Variants in ZFHX3 observed in about 807,000 individuals in gnomAD.
The protein encoded by ZFHX3 is zinc finger homeobox protein 3.
ZFHX3 carries 42 observed loss-of-function variants against 279.1 expected under a neutral mutation model. That is an observed-to-expected ratio of 0.15 (90% CI 0.12 to 0.19). ZFHX3 has a LOEUF of 0.19. ZFHX3 is among the 10% of genes least tolerant of loss of function. The pLI is 1.00. For synonymous variants in ZFHX3, 2,293 were observed against 1,957.8 expected (o/e 1.17, Z -4.52); for missense variants, 4,981 against 4,754.0 (o/e 1.05, Z -1.40).
intron 6 of ZFHX3, among the ~76,000 whole-genome samples, chr16:73,133,536 G>A (rs1966734572): frequency 6.6e-6 from 1 of 152,142 alleles, no homozygotes; most frequent in Admixed American, 6.5e-5. Flanking sequence ...TTTAAGAAGA[G>A]GAGATTCGGA....
At chr16:73,679,311 A>T (rs908341987) in intron 2 of ZFHX3, among the ~76,000 whole-genome samples, 1 of 152,100 alleles carries the variant, frequency 6.6e-6, no homozygotes, top group African/African-American at 2.4e-5. Flanking sequence ...TGAAAAGTAT[A>T]TTTCTATGGC....
intron 4 of ZFHX3, among the ~76,000 whole-genome samples, chr16:73,274,628 G>C (rs182478741): frequency 6.6e-6 from 1 of 152,190 alleles, no homozygotes; most frequent in East Asian, 1.9e-4. Context: ...CTATTTTTAT[G>C]TTTAAGTCTA....
At chr16:72,873,061 C>T (rs1891269216) in intron 4 of ZFHX3, among the ~76,000 whole-genome samples, 1 of 152,224 alleles carries the variant, frequency 6.6e-6, no homozygotes, top group African/African-American at 2.4e-5. Context: ...AGGAATTCCT[C>T]ACCCTCGAAG....
chr16:73,273,251 G>A (rs1423505322), intron 4 of ZFHX3, among the ~76,000 whole-genome samples: 2 of 151,998 alleles, frequency 1.3e-5, no homozygotes, highest in Non-Finnish European at 2.9e-5. Context: ...AGATATAAGG[G>A]CTATGGATCA....
rs765200306 is a variant in ZFHX3 at position 72,958,933 on chromosome 16, C to T, written c.1213G>A (p.Gly405Arg). ...LTPSTLLNLG[G>R]LTSSVLKTPI... ...GTCTTCAGTACCGAGCTGGTGAGCC[C>T]GCCAAGGTTCAACAGGGTGCTGGGG... The change falls in exon 2 of 10, where the codon GGG becomes AGG. Residue 405 changes from glycine to arginine, a missense_variant. By Grantham distance (125) the Gly-to-Arg change is moderately radical. Transcript: ENST00000268489. The T allele has an allele frequency of 1.6e-5, 25 of 1,598,388 alleles. No homozygotes were observed. Among genetic ancestry groups the T allele is most frequent in the Non-Finnish European group, 2.0e-5 (23 of 1,172,146 alleles).
intron 7 of ZFHX3, among the ~76,000 whole-genome samples, chr16:73,116,617 G>A (rs1168154443): frequency 2.0e-5 from 3 of 152,162 alleles, no homozygotes; most frequent in Non-Finnish European, 4.4e-5. Context: ...GGATGTTGGA[G>A]TGGGTTGGCT....
chr16:73,700,020 C>T (rs60090162), intron 1 of ZFHX3, among the ~76,000 whole-genome samples: 8 of 152,086 alleles, frequency 5.3e-5, no homozygotes, highest in Non-Finnish European at 1.5e-5. Flanking sequence ...CCCAGGAGTT[C>T]AAGACCAGCC....
chr16:72,792,932 G>A (rs1209639339), intron 9 of ZFHX3, among the ~76,000 whole-genome samples: 2 of 152,160 alleles, frequency 1.3e-5, no homozygotes, highest in East Asian at 1.9e-4. Context: ...ATTTCCACAA[G>A]GACTGAATGA....
At chr16:73,330,747 TG>T (rs2015786566) in intron 3 of ZFHX3, among the ~76,000 whole-genome samples, 1 of 152,282 alleles carries the variant, frequency 6.6e-6, no homozygotes, top group African/African-American at 2.4e-5. Flanking sequence ...GATTGTGGTT[TG>T]GTGGAGGCAG....
intron 1 of ZFHX3, among the ~76,000 whole-genome samples, chr16:73,054,915 GA>G (rs544830471): frequency 3.8e-3 from 575 of 151,880 alleles, no homozygotes; most frequent in African/African-American, 0.013. Context: ...AGATAAAGGG[GA>G]AAAAAATACA....
chr16:72,962,843 T>C (rs1291312327), intron 1 of ZFHX3, among the ~76,000 whole-genome samples: 1 of 152,008 alleles, frequency 6.6e-6, no homozygotes, highest in Non-Finnish European at 1.5e-5. Context: ...TTAGATTCCC[T>C]GTGGTCCCTG....
intron 6 of ZFHX3, among the ~76,000 whole-genome samples, chr16:73,140,454 G>A (rs1239084966): frequency 6.6e-6 from 1 of 152,154 alleles, no homozygotes; most frequent in African/African-American, 2.4e-5. Context: ...CTGAGACAGT[G>A]CTCTCAGGGA....
chr16:73,096,748 T>TG (rs1008495512), intron 7 of ZFHX3, among the ~76,000 whole-genome samples: 1 of 151,506 alleles, frequency 6.6e-6, no homozygotes, highest in African/African-American at 2.4e-5. Flanking sequence ...GGGAAGGGAG[T>TG]GGGACAGGAG....
chr16:73,850,662 G>C (rs1198974101), intron 1 of ZFHX3, among the ~76,000 whole-genome samples: 1 of 152,114 alleles, frequency 6.6e-6, no homozygotes, highest in Admixed American at 6.6e-5. Context: ...TTGAGAAAAG[G>C]CTTCTGTGGA....
chr16:73,052,457 A>G (rs1965468939), upstream of ZFHX3, among the ~76,000 whole-genome samples: 1 of 152,116 alleles, frequency 6.6e-6, no homozygotes, highest in South Asian at 2.1e-4. Context: ...CTTTCCCCCA[A>G]ATAATTCTAG....
intron 1 of ZFHX3, among the ~76,000 whole-genome samples, chr16:73,766,848 A>T (rs1205936907): frequency 6.6e-6 from 1 of 152,150 alleles, no homozygotes; most frequent in East Asian, 1.9e-4. Flanking sequence ...ACTTAATTCC[A>T]AGCCATTCAA....
At chr16:73,789,474 C>T (rs182108529) in intron 1 of ZFHX3, among the ~76,000 whole-genome samples, 1 of 152,090 alleles carries the variant, frequency 6.6e-6, no homozygotes, top group African/African-American at 2.4e-5. Flanking sequence ...GCCACCGTGC[C>T]CGGCTGGGAA....
rs141288334 is a variant in ZFHX3 at position 72,839,128 on chromosome 16, T to C, written c.3449-9269A>G. 4.7e-3 allele frequency among the ~76,000 whole-genome samples: 709 copies of C among 152,238 alleles called. 3 individuals carry two copies. The highest frequency in any genetic ancestry group is 0.016 in the African/African-American group (670 of 41,536). ...AAAAAAGGCAAATTCCCCGAGCATG[T>C]CTGTAGCAGAGCGTGATGTGATTGT... On this transcript the variant is annotated intron_variant, in intron 4 of 9. Coordinates refer to ENST00000268489, the MANE Select transcript of ZFHX3 (RefSeq NM_006885.4).
chr16:73,061,428 C>T (rs763667554), upstream of ZFHX3: 1 of 149,676 alleles, frequency 6.7e-6, no homozygotes, highest in Non-Finnish European at 1.5e-5. Flanking sequence ...CCAAACACAA[C>T]CTCTACTGTG....
Sources: gnomAD v4.1 joint callset for allele counts (sites outside exome capture counted in the v4.1 genomes callset) on GRCh38, gnomAD v4.1.1 for gene constraint, MANE v1.5 for transcripts, NCBI Gene and HGNC (gene_info 2026-07-23, HGNC 2026-07-21) for gene names.